The following STON2 variants were observed in gnomAD, a reference collection of about 807,000 sequenced individuals.
STON2 encodes stonin 2.
Under a neutral mutation model 65.7 loss-of-function variants are expected in STON2, and 29 were observed. That is an observed-to-expected ratio of 0.44 (90% CI 0.33 to 0.60). STON2 has a LOEUF of 0.60. Among genes scored for constraint, STON2 ranks in the 20% least tolerant of loss-of-function variants. STON2 has a pLI of 0.03. For synonymous variants in STON2, 404 were observed against 414.2 expected, an observed-to-expected ratio of 0.98 and a Z score of 0.30; for missense variants, 1,054 against 1,118.1, an observed-to-expected ratio of 0.94 and a Z score of 0.82.
intron 5 of STON2, among the ~76,000 whole-genome samples, chr14:81,320,144 T>G (rs1896769779): frequency 6.6e-6 from 1 of 151,920 alleles, no homozygotes; most frequent in Admixed American, 6.5e-5. Flanking sequence ...GGTGATGGGG[T>G]CTCTGGGCCA....
At chr14:81,284,537 T>C (rs1449659561) in intron 5 of STON2, among the ~76,000 whole-genome samples, 1 of 152,182 alleles carries the variant, frequency 6.6e-6, no homozygotes, top group African/African-American at 2.4e-5. Flanking sequence ...AGAGGTTGGT[T>C]CATGAGGTTT....
Position 81,265,380 on chromosome 14 carries a change from C to G in STON2, c.*3034G>C. 4.1e-6 allele frequency: 4 copies of G among 980,272 alleles called. No homozygotes were observed. The highest frequency in any genetic ancestry group is 4.8e-6 in the Non-Finnish European group (4 of 825,396). The allele number at this position is 980,272 out of a possible 1,614,324, so 60.7% of individuals were successfully genotyped here. ...AATTAATAATAATTTGTGGGTCCAG[C>G]ATGGTGGCTCACGCCTGTAATCCCA... On this transcript the variant is annotated 3_prime_UTR_variant, in exon 8 of 8. Coordinates refer to ENST00000614646, the MANE Select transcript of STON2 (RefSeq NM_001394390.1).
chr14:81,427,218 A>G (rs1210684117), intron 1 of STON2: 1 of 152,240 alleles, frequency 6.6e-6, no homozygotes, highest in Non-Finnish European at 1.5e-5. Flanking sequence ...TTTTCCTATG[A>G]GTAGAAACAT....
intron 3 of STON2, among the ~76,000 whole-genome samples, chr14:81,372,359 G>A (rs1045536949): frequency 7.2e-5 from 11 of 151,976 alleles, no homozygotes; most frequent in Non-Finnish European, 1.5e-4. Flanking sequence ...CTCAAGACCA[G>A]CCTGCCAATA....
Position 81,267,785 on chromosome 14 carries a change from T to A in STON2, c.*629A>T, listed in dbSNP as rs1894414244. 1.0e-6 allele frequency: 1 copy of A among 985,340 alleles called. No individual in the cohort carries two copies. Among genetic ancestry groups the A allele is most frequent in the African/African-American group, 1.7e-5 (1 of 57,244 alleles). 61.0% of individuals were successfully genotyped at this position (985,340 alleles called of 1,614,324 possible). A position where few individuals can be genotyped will look rare whatever the true frequency, so the allele number is the denominator to read the frequency against. On this transcript the variant is annotated 3_prime_UTR_variant, in exon 8 of 8. Transcript: ENST00000614646. ...TATTGTGACTCAGGATAGCAAATCC[T>A]GTGACTGAAACCTTAGAGAGATGGA... is the stretch of plus-strand genomic sequence containing the variant.
chr14:81,310,806 C>T (rs1049921896), intron 5 of STON2, among the ~76,000 whole-genome samples: 2 of 152,160 alleles, frequency 1.3e-5, no homozygotes, highest in Non-Finnish European at 2.9e-5. Context: ...CATTCCTTCC[C>T]CTCAAGCCTG....
At chr14:81,364,760 T>C (rs961608408) in intron 4 of STON2, among the ~76,000 whole-genome samples, 1 of 152,186 alleles carries the variant, frequency 6.6e-6, no homozygotes, top group Admixed American at 6.5e-5. Context: ...GGCCCCAGCA[T>C]CTGGATCTTT....
chr14:81,339,337 G>GA (rs1897501578), intron 4 of STON2, among the ~76,000 whole-genome samples: 1 of 152,146 alleles, frequency 6.6e-6, no homozygotes, highest in Non-Finnish European at 1.5e-5. Flanking sequence ...TTAGGCAGGG[G>GA]AAATCACAGA....
At chr14:81,309,803 C>A (rs888109781) in intron 5 of STON2, among the ~76,000 whole-genome samples, 3 of 152,156 alleles carry the variant, frequency 2.0e-5, no homozygotes. Flanking sequence ...TTAGGGATAA[C>A]GTACCAAAGA....
At position 81,383,934 on chromosome 14, in the gene STON2, T is replaced by C. The variant is rs1899659047; in HGVS notation, c.373+11960A>G. Among the ~76,000 whole-genome samples, 2 of 152,196 alleles carry C rather than the reference T, an allele frequency of 1.3e-5. 1 individual carries two copies. Among genetic ancestry groups the C allele is most frequent in the Non-Finnish European group, 2.9e-5 (2 of 68,044 alleles). Reference sequence around the variant, plus strand: ...AAGGACCTGTGTGTCTGAGTCTCTGTAACGTTTCTGCCTCACCTCCTTGTC... The same window carrying C: ...AAGGACCTGTGTGTCTGAGTCTCTGCAACGTTTCTGCCTCACCTCCTTGTC... On this transcript the variant is annotated intron_variant, in intron 3 of 7. Transcript: ENST00000614646.
chr14:81,404,097 G>T (rs1027545399), upstream of STON2, among the ~76,000 whole-genome samples: 1 of 152,204 alleles, frequency 6.6e-6, no homozygotes, highest in African/African-American at 2.4e-5. Flanking sequence ...AGCCTCTTCA[G>T]CTCTTTTGAG....
At chr14:81,273,733 G>A (rs1894693545) in intron 6 of STON2, among the ~76,000 whole-genome samples, 1 of 152,176 alleles carries the variant, frequency 6.6e-6, no homozygotes, top group Non-Finnish European at 1.5e-5. Context: ...GGCTAGGGAT[G>A]CCAGCAACAC....
chr14:81,400,946 C>A (rs1482427199), upstream of STON2, among the ~76,000 whole-genome samples: 5 of 152,172 alleles, frequency 3.3e-5, no homozygotes, highest in Admixed American at 2.0e-4. Context: ...ATGTAATAAA[C>A]CCTCTGTAAC....
chr14:81,291,917 C>G (rs924604349), intron 5 of STON2, among the ~76,000 whole-genome samples: 6 of 151,290 alleles, frequency 4.0e-5, no homozygotes, highest in African/African-American at 1.5e-4. Context: ...ATCACCTCTT[C>G]CCTATCCTTT....
chr14:81,329,733 G>A (rs188061682), intron 4 of STON2, among the ~76,000 whole-genome samples: 176 of 152,304 alleles, frequency 1.2e-3, no homozygotes, highest in African/African-American at 3.7e-3. Flanking sequence ...GTATGGATCA[G>A]TCAGCCTACC....
rs760033415 is a variant in STON2, at chr14:81,277,299, C to G, written c.2183G>C (p.Arg728Pro). Residue 728 changes from arginine (R) to proline (P), a missense_variant, in exon 6 of 8, where the codon CGG (arginine) becomes CCG (proline). Physicochemically the swap from Arg to Pro is moderately radical, Grantham distance 103. Transcript: ENST00000614646. ...TGTCCTGAACCGCATTAGCTCAAAC[C>G]GGCACGCATCCAAAGGGTTGAACAG... ...VILFNPLDAC[R>P]FELMRFRTVF... The G allele has an allele frequency of 2.8e-5, 45 of 1,614,018 alleles. No individual in the cohort carries two copies. The highest frequency in any genetic ancestry group is 6.7e-5 in the East Asian group (3 of 44,892).
At chr14:81,369,150 T>C (rs1394714249) in intron 4 of STON2, among the ~76,000 whole-genome samples, 1 of 152,188 alleles carries the variant, frequency 6.6e-6, no homozygotes, top group Non-Finnish European at 1.5e-5. Flanking sequence ...CCCTTTTCTA[T>C]GATTCCAGCG....
At chr14:81,354,143 A>T (rs1410154091) in intron 4 of STON2, among the ~76,000 whole-genome samples, 2 of 152,316 alleles carry the variant, frequency 1.3e-5, no homozygotes, top group East Asian at 3.9e-4. Flanking sequence ...TGGCCAGGGA[A>T]TGCACCCTGT....
chr14:81,313,342 C>T (rs920310010), intron 5 of STON2, among the ~76,000 whole-genome samples: 16 of 152,180 alleles, frequency 1.1e-4, no homozygotes, highest in African/African-American at 3.9e-4. Context: ...ATATAATCAT[C>T]TTTAGACTCT....
Sources: allele counts gnomAD v4.1 joint callset (sites outside exome capture counted in the v4.1 genomes callset), GRCh38; gene constraint gnomAD v4.1.1; transcripts MANE v1.5; gene names NCBI Gene and HGNC (gene_info 2026-07-23, HGNC 2026-07-21).